The following KMO variants were observed in gnomAD, a reference collection of about 807,000 sequenced individuals.
KMO encodes kynurenine 3-hydroxylase.
KMO carries 24 observed loss-of-function variants against 57.8 expected under a neutral mutation model. The ratio of observed to expected loss-of-function variants is 0.42; its 90% confidence interval spans 0.30 to 0.58. The LOEUF is 0.58. Ranked by LOEUF, KMO falls within the 20% of genes least tolerant of loss-of-function variation. The pLI is 0.22. For synonymous variants in KMO, 210 were observed against 193.6 expected, an observed-to-expected ratio of 1.08 and a Z score of -0.70; for missense variants, 483 against 588.2, an observed-to-expected ratio of 0.82 and a Z score of 1.85.
At chr1:241,576,278 G>A (rs909864321) in intron 10 of KMO, among the ~76,000 whole-genome samples, 2 of 152,000 alleles carry the variant, frequency 1.3e-5, no homozygotes, top group Admixed American at 6.5e-5. Flanking sequence ...GTATTGAGAT[G>A]TGAGGTGCTG....
chr1:241,572,515 A>T (rs1036330246), intron 10 of KMO, among the ~76,000 whole-genome samples: 1 of 151,872 alleles, frequency 6.6e-6, no homozygotes, highest in African/African-American at 2.4e-5. Context: ...TTTTTAAAAA[A>T]CCAACTTTTT....
At chr1:241,553,246 A>C (rs1661479162) in intron 4 of KMO, among the ~76,000 whole-genome samples, 1 of 152,286 alleles carries the variant, frequency 6.6e-6, no homozygotes, top group African/African-American at 2.4e-5. Context: ...GATGGGAACG[A>C]CTCAAATATT....
At chr1:241,563,749 G>A (rs1045529083) in intron 7 of KMO, among the ~76,000 whole-genome samples, 1 of 152,144 alleles carries the variant, frequency 6.6e-6, no homozygotes, top group Non-Finnish European at 1.5e-5. Context: ...ACTCTTTTAA[G>A]AACATTGTTT....
chr1:241,592,501 C>T lies in KMO; in HGVS notation c.*348C>T. 1 of 261,994 alleles carries T rather than the reference C, an allele frequency of 3.8e-6. No homozygotes were observed. The highest frequency in any genetic ancestry group is 7.4e-6 in the Non-Finnish European group (1 of 135,056). 16.2% of individuals were successfully genotyped at this position (261,994 alleles called of 1,614,324 possible). On this transcript the variant is annotated 3_prime_UTR_variant, in exon 15 of 15. Coordinates refer to ENST00000366559, the MANE Select transcript of KMO (RefSeq NM_003679.5). ...TTAAAAGACACAATAGGACTCGCAA[C>T]AGCATTGACTCAACACCTAGGACTA...
At chr1:241,536,652 AT>A (rs2147937480) in intron 1 of KMO, 1 of 212,912 alleles carries the variant, frequency 4.7e-6, no homozygotes, top group Non-Finnish European at 8.1e-6. Flanking sequence ...TTGGAGATGT[AT>A]TTTAGGATAT....
At chr1:241,574,426 T>C (rs1453116431) in intron 10 of KMO, among the ~76,000 whole-genome samples, 6 of 152,090 alleles carry the variant, frequency 3.9e-5, no homozygotes, top group African/African-American at 1.4e-4. Context: ...GCTTTTATTA[T>C]TTTGAGGTTA....
chr1:241,589,721 C>T (rs1312314043), intron 12 of KMO, among the ~76,000 whole-genome samples: 1 of 152,178 alleles, frequency 6.6e-6, no homozygotes, highest in Admixed American at 6.5e-5. Context: ...CACAGATTGC[C>T]TGCAGTTCTG....
rs1477097238 is a variant in KMO, at chr1:241,592,023, A to C, written c.1331A>C (p.Tyr444Ser). 2 of 1,613,986 alleles carry C rather than the reference A, an allele frequency of 1.2e-6. No homozygotes were observed. Among genetic ancestry groups the C allele is most frequent in the Non-Finnish European group, 1.7e-6 (2 of 1,179,888 alleles). Residue 444 changes from tyrosine (Y) to serine (S), a missense_variant, in exon 15 of 15, where the codon TAC becomes TCC. Tyr to Ser is a moderately radical substitution (Grantham distance 144, BLOSUM62 -2). This residue lies in a region of KMO where 410 missense variants were observed against 492.3 expected (regional missense o/e 0.83). Coordinates refer to ENST00000366559, the MANE Select transcript of KMO (RefSeq NM_003679.5). The part of the protein sequence containing the change: ...AISSTYLLIH[Y>S]MSPRSFLRLR... The stretch of plus-strand genomic sequence containing the variant: ...AGCAGTACCTACCTACTTATACACT[A>C]CATGTCACCACGATCTTTCCTCCGC...
rs184691556 is a variant in KMO at position 241,593,354 on chromosome 1, T to C, written c.*1201T>C. On this transcript the variant is annotated 3_prime_UTR_variant, in exon 15 of 15. Coordinates refer to ENST00000366559, the MANE Select transcript of KMO (RefSeq NM_003679.5). ...TGAAATGTTTTCTTTGGTTCATCCT[T>C]CTTTAACAGGCTGCTGAGTCACTCA... The C allele has an allele frequency of 1.1e-5, 5 of 437,688 alleles. No homozygotes were observed. The East Asian group carries it at 3.5e-4, about 31-fold the overall frequency. 27.1% of individuals were successfully genotyped at this position (437,688 alleles called of 1,614,324 possible). A position where few individuals can be genotyped will look rare whatever the true frequency, so the allele number is the denominator to read the frequency against.
Position 241,548,088 on chromosome 1 carries a change from A to AACACACACACACAC in KMO, c.55-733_55-720dup, listed in dbSNP as rs60952289. On this transcript the variant is annotated intron_variant, in intron 1 of 14. Transcript: ENST00000366559. ...AGAAGCAAGATGCAAAAACAAACAA[A>AACACACACACACAC]ACACACACACACACACACACAGTGT... is the stretch of plus-strand genomic sequence containing the variant. Among the ~76,000 whole-genome samples, 350 of 148,912 alleles carry AACACACACACACAC rather than the reference A, an allele frequency of 2.4e-3. 2 individuals carry two copies. Among genetic ancestry groups the AACACACACACACAC allele is most frequent in the South Asian group, 0.014 (67 of 4,662 alleles).
At chr1:241,545,092 C>A (rs1430704385) in intron 1 of KMO, among the ~76,000 whole-genome samples, 1 of 152,080 alleles carries the variant, frequency 6.6e-6, no homozygotes, top group East Asian at 1.9e-4. Flanking sequence ...TAAATTTTGG[C>A]TTCACTTGGT....
At chr1:241,546,488 C>A (rs1197050038) in intron 1 of KMO, among the ~76,000 whole-genome samples, 1 of 152,120 alleles carries the variant, frequency 6.6e-6, no homozygotes, top group African/African-American at 2.4e-5. Context: ...TGGTAGAATA[C>A]ACAGAAAATT....
chr1:241,594,161 C>T lies in KMO; in HGVS notation c.*2008C>T. ...AAAATATATTTGAAATGAAAATCTC[C>T]AACACATTAGAAGATGATGATGTTA... On this transcript the variant is annotated 3_prime_UTR_variant, in exon 15 of 15. Coordinates refer to ENST00000366559, the MANE Select transcript of KMO (RefSeq NM_003679.5). 1 of 375,688 alleles carries T rather than the reference C, an allele frequency of 2.7e-6. No homozygotes were observed. The highest frequency in any genetic ancestry group is 4.7e-6 in the Non-Finnish European group (1 of 211,632). 23.3% of individuals were successfully genotyped at this position (375,688 alleles called of 1,614,324 possible).
At chr1:241,554,479 G>A (rs1001785109) in intron 4 of KMO, among the ~76,000 whole-genome samples, 1 of 151,454 alleles carries the variant, frequency 6.6e-6, no homozygotes, top group African/African-American at 2.4e-5. Flanking sequence ...TCGCCATGTT[G>A]GCCAGGCTGG....
intron 7 of KMO, among the ~76,000 whole-genome samples, chr1:241,564,292 C>T (rs948673831): frequency 1.3e-5 from 2 of 151,728 alleles, no homozygotes; most frequent in Non-Finnish European, 2.9e-5. Flanking sequence ...TATATAATAC[C>T]CCTGGGAACC....
At chr1:241,532,600 T>C (rs1305433126) in intron 1 of KMO, 102 bp downstream of exon 1, 4 of 864,544 alleles carry the variant, frequency 4.6e-6, no homozygotes, top group Non-Finnish European at 7.2e-6. Context: ...TTAATTTTCT[T>C]GTGAAAACTC....
intron 1 of KMO, among the ~76,000 whole-genome samples, chr1:241,539,718 G>GT (rs1253714993): frequency 6.6e-6 from 1 of 152,088 alleles, no homozygotes; most frequent in African/African-American, 2.4e-5. Flanking sequence ...TTCCCTCTTT[G>GT]TTTTCTCATT....
chr1:241,554,624 A>G (rs1558417654), intron 4 of KMO, among the ~76,000 whole-genome samples: 1 of 151,024 alleles, frequency 6.6e-6, no homozygotes, highest in Non-Finnish European at 1.5e-5. Context: ...CATTTTTACA[A>G]TACGTTTAAG....
intron 10 of KMO, among the ~76,000 whole-genome samples, chr1:241,573,720 A>G (rs1462711182): frequency 6.6e-6 from 1 of 151,822 alleles, no homozygotes; most frequent in African/African-American, 2.4e-5. Flanking sequence ...ATGCCTCCAG[A>G]TTTGTTCTTT....
Sources: gnomAD v4.1 joint callset for allele counts (sites outside exome capture counted in the v4.1 genomes callset) on GRCh38, gnomAD v4.1.1 for gene constraint, gnomAD v4.1.1 regional missense constraint, MANE v1.5 for transcripts, NCBI Gene and HGNC (gene_info 2026-07-23, HGNC 2026-07-21) for gene names.